Variants in DDX60L observed in about 807,000 individuals in gnomAD.
DDX60L encodes probable ATP-dependent RNA helicase DDX60-like.
Under a neutral mutation model 211.6 loss-of-function variants are expected in DDX60L, and 191 were observed. The ratio of observed to expected loss-of-function variants is 0.90; its 90% CI spans 0.80 to 1.02. The LOEUF is 1.02. Ranked by LOEUF, DDX60L falls within the 50% of genes least tolerant of loss-of-function variation. The pLI is 0.00. For missense variants in DDX60L, 2,007 were observed against 1,984.1 expected (o/e 1.01, Z -0.22); for synonymous variants, 706 against 694.1 (o/e 1.02, Z -0.27).
Position 168,358,009 on chromosome 4 carries a change from A to G in DDX60L, c.*138T>C. 3 of 734,008 alleles carry G rather than the reference A, an allele frequency of 4.1e-6. No homozygotes were observed. The highest frequency in any genetic ancestry group is 6.6e-6 in the Non-Finnish European group (3 of 453,648). The allele number at this position is 734,008 out of a possible 1,614,324, so 45.5% of individuals were successfully genotyped here. On this transcript the variant is annotated 3_prime_UTR_variant, in exon 38 of 38. Coordinates refer to ENST00000682922, the MANE Select transcript of DDX60L (RefSeq NM_001012967.3). ...ACTTAAAGTCATTCAGTTAGAAAAT[A>G]GCAGAGCTGATATCTGAGTTTAATT...
intron 10 of DDX60L, 72 bp from the exon 11 acceptor site, chr4:168,433,187 TA>T (rs565012932): frequency 5.6e-4 from 595 of 1,061,950 alleles, no homozygotes; most frequent in Non-Finnish European, 7.2e-4. Flanking sequence ...ACATTATTTT[TA>T]AAATTTCAAA....
chr4:168,374,830 A>C lies in DDX60L; in HGVS notation c.4633+547T>G, dbSNP rs923771322. Among the ~76,000 whole-genome samples, 20 of 152,318 alleles carry C rather than the reference A, an allele frequency of 1.3e-4. No individual in the cohort carries two copies. In the East Asian group the frequency reaches 3.7e-3, roughly 28 times the overall value. On this transcript the variant is annotated intron_variant, in intron 34 of 37. Coordinates refer to ENST00000682922, the MANE Select transcript of DDX60L (RefSeq NM_001012967.3). ...AAACATTAATATACCTAATCCTCTA[A>C]AATTCTGTAAGCTAGGTAATATTTT...
At chr4:168,432,605 A>G in intron 11 of DDX60L, 35 bp from the exon 12 acceptor site, 1 of 1,312,010 alleles carries the variant, frequency 7.6e-7, no homozygotes, top group South Asian at 1.5e-5. Flanking sequence ...TTTAAATTTT[A>G]AGCTTTTCAA....
rs1177974489 is a variant in DDX60L, at chr4:168,427,063, C to T, written c.1930+7G>A. Reference sequence around the variant, plus strand: ...ACTCTTTATCCATAGAGTATGGAGTCCCATACCTTCACCTCGGCAATGTTT... The same window carrying T: ...ACTCTTTATCCATAGAGTATGGAGTTCCATACCTTCACCTCGGCAATGTTT... On this transcript the variant is annotated splice_region_variant and intron_variant, in intron 14 of 37. Coordinates refer to ENST00000682922, the MANE Select transcript of DDX60L (RefSeq NM_001012967.3). The T allele has an allele frequency of 5.6e-6, 9 of 1,596,792 alleles. No individual in the cohort carries two copies. Among genetic ancestry groups the T allele is most frequent in the Middle Eastern group, 1.7e-4 (1 of 6,054 alleles).
At chr4:168,438,221 T>C (rs1483301697) in intron 10 of DDX60L, among the ~76,000 whole-genome samples, 1 of 152,148 alleles carries the variant, frequency 6.6e-6, no homozygotes, top group African/African-American at 2.4e-5. Flanking sequence ...GCAAATGAAA[T>C]CATCTCCAAA....
intron 30 of DDX60L, among the ~76,000 whole-genome samples, chr4:168,381,655 T>C (rs1019288697): frequency 6.6e-6 from 1 of 151,522 alleles, no homozygotes; most frequent in Non-Finnish European, 1.5e-5. Flanking sequence ...AAAGGATCCA[T>C]ATACATGGGC....
At chr4:168,453,013 T>G (rs1756010167) in intron 8 of DDX60L, 111 bp downstream of exon 8, 1 of 1,142,402 alleles carries the variant, frequency 8.8e-7, no homozygotes. Context: ...AATAGGAACT[T>G]GATTTATCAG....
chr4:168,411,674 C>T (rs1748695726), intron 22 of DDX60L, among the ~76,000 whole-genome samples: 1 of 152,102 alleles, frequency 6.6e-6, no homozygotes. Context: ...GCCACAAGGA[C>T]TACAATTCCT....
rs1465443590 is a variant in DDX60L, at chr4:168,396,758, A to ATT, written c.3492-636_3492-635dup. On this transcript the variant is annotated intron_variant, in intron 26 of 37. Transcript: ENST00000682922. ...GAGCTCCGACATCTCTCTCCCAGGT[A>ATT]TTTTTCCCTTCCCCTACGTCCAAAA... Among the ~76,000 whole-genome samples, 10 of 151,438 alleles carry ATT rather than the reference A, an allele frequency of 6.6e-5. No individual in the cohort carries two copies. The South Asian group carries it at 2.1e-3, about 32-fold the overall frequency.
At position 168,384,920 on chromosome 4, in the gene DDX60L, T is replaced by C. The variant is rs1743598062; in HGVS notation, c.3916-108A>G. The C allele has an allele frequency of 4.4e-6, 5 of 1,147,336 alleles. No homozygotes were observed. The South Asian group carries it at 6.1e-5, about 14-fold the overall frequency. 71.1% of individuals were successfully genotyped at this position (1,147,336 alleles called of 1,614,324 possible). A position where few individuals can be genotyped will look rare whatever the true frequency, so the allele number is the denominator to read the frequency against. On this transcript the variant is annotated intron_variant, in intron 29 of 37. Transcript: ENST00000682922. ...TTATCCGGGATTGTGTTAAATTGTG[T>C]ATTTAGTCCTGAAACTAATCTATGT... is the stretch of plus-strand genomic sequence containing the variant.
At chr4:168,384,925 A>T (rs1365061414) in intron 29 of DDX60L, 113 bp from the exon 30 acceptor site, 5 of 1,110,362 alleles carry the variant, frequency 4.5e-6, no homozygotes, top group Non-Finnish European at 6.5e-6. Context: ...TTGTGTATTT[A>T]GTCCTGAAAC....
chr4:168,385,441 CTGA>C (rs1415473275), intron 29 of DDX60L, among the ~76,000 whole-genome samples: 5 of 152,116 alleles, frequency 3.3e-5, no homozygotes, highest in Admixed American at 1.3e-4. Context: ...TCATAATAAA[CTGA>C]TAAATATAAG....
At chr4:168,449,278 T>C (rs1399942493) in intron 8 of DDX60L, among the ~76,000 whole-genome samples, 2 of 151,780 alleles carry the variant, frequency 1.3e-5, no homozygotes, top group African/African-American at 2.4e-5. Context: ...TGGAATACTA[T>C]GCAGCCATAA....
intron 10 of DDX60L, among the ~76,000 whole-genome samples, chr4:168,441,008 G>T (rs530512673): frequency 1.3e-5 from 2 of 152,224 alleles, no homozygotes; most frequent in South Asian, 2.1e-4. Flanking sequence ...TCATATTGAA[G>T]TCTGTTAAAG....
At chr4:168,363,350 A>G (rs764948433) in intron 36 of DDX60L, among the ~76,000 whole-genome samples, 3 of 152,236 alleles carry the variant, frequency 2.0e-5, no homozygotes, top group Non-Finnish European at 4.4e-5. Flanking sequence ...CATTACTATC[A>G]CAAAAATATT....
intron 29 of DDX60L, among the ~76,000 whole-genome samples, chr4:168,391,214 C>T (rs923536393): frequency 1.4e-4 from 22 of 151,840 alleles, no homozygotes; most frequent in Middle Eastern, 3.4e-3. Context: ...TACATACTCC[C>T]GGAAAAATAA....
chr4:168,391,470 G>T, intron 29 of DDX60L, 70 bp downstream of exon 29: 2 of 1,004,140 alleles, frequency 2.0e-6, no homozygotes, highest in African/African-American at 1.6e-5. Flanking sequence ...GTTACCAGAT[G>T]TGAGTGCCAC....
At chr4:168,393,961 C>G (rs1439912863) in intron 28 of DDX60L, among the ~76,000 whole-genome samples, 3 of 152,000 alleles carry the variant, frequency 2.0e-5, no homozygotes, top group African/African-American at 7.3e-5. Flanking sequence ...TTGGGAGCCC[C>G]AGGTGGGTGG....
Position 168,402,124 on chromosome 4 carries a change from C to CTT in DDX60L, c.3339-1148_3339-1147dup, listed in dbSNP as rs60345965. ...GGCAACTCAGCTTCAACTTCAGAGG[C>CTT]TTTTTTTTTTTTTTTTTTTTTGAGA... On this transcript the variant is annotated intron_variant, in intron 25 of 37. Transcript: ENST00000682922. 4.2e-3 allele frequency among the ~76,000 whole-genome samples: 454 copies of CTT among 108,410 alleles called. 3 individuals carry two copies. The highest frequency in any genetic ancestry group is 9.9e-3 in the African/African-American group (276 of 27,822). 71.1% of individuals were successfully genotyped at this position (108,410 alleles called of 152,430 possible).
Sources: gnomAD v4.1 joint callset for allele counts (sites outside exome capture counted in the v4.1 genomes callset) on GRCh38, gnomAD v4.1.1 for gene constraint, MANE v1.5 for transcripts, NCBI Gene and HGNC (gene_info 2026-07-23, HGNC 2026-07-21) for gene names.